The following CD80 variants were observed in gnomAD, a reference collection of about 807,000 sequenced individuals.
The protein encoded by CD80 is T-lymphocyte activation antigen CD80.
A neutral mutation model predicts 27.1 loss-of-function variants in CD80; 13 were observed. That is an observed-to-expected ratio of 0.48 (90% CI 0.31 to 0.76). The LOEUF (loss-of-function observed/expected upper bound fraction) is 0.76, where lower values mean the gene tolerates loss of function less well. CD80 is among the 30% of genes least tolerant of loss of function. The pLI, the probability that CD80 is intolerant of heterozygous loss-of-function variation, is 0.04. For synonymous variants in CD80, 125 were observed against 125.5 expected (o/e 1.00, Z 0.03); for missense variants, 277 against 347.9 (o/e 0.80, Z 1.62).
chr3:119,533,324 C>A (rs190882408), intron 4 of CD80, among the ~76,000 whole-genome samples: 16 of 152,136 alleles, frequency 1.1e-4, no homozygotes, highest in African/African-American at 3.9e-4. Context: ...GATGTATCTC[C>A]TTCCAGTTTA....
chr3:119,547,938 C>T (rs1183067714), intron 2 of CD80, among the ~76,000 whole-genome samples: 5 of 152,056 alleles, frequency 3.3e-5, no homozygotes, highest in Admixed American at 3.3e-4. Context: ...GAATCTTCCC[C>T]TTCCCTGAAT....
intron 4 of CD80, among the ~76,000 whole-genome samples, chr3:119,531,085 G>A (rs980987581): frequency 2.6e-5 from 4 of 152,262 alleles, no homozygotes; most frequent in African/African-American, 9.6e-5. Flanking sequence ...GCATGAACAA[G>A]AGCCCCTGCT....
Position 119,527,759 on chromosome 3 carries a change from C to T in CD80, c.*12G>A, listed in dbSNP as rs1440885255. The T allele has an allele frequency of 4.3e-6, 7 of 1,611,014 alleles. No individual in the cohort carries two copies. Among genetic ancestry groups the T allele is most frequent in the Admixed American group, 1.7e-5 (1 of 60,014 alleles). On this transcript the variant is annotated 3_prime_UTR_variant, in exon 6 of 7. Transcript: ENST00000264246. ...TTCAGATCTTTTCAGCCCCTTGCTTCTGCGGACACTGTTATACAGGGCGTA... is the reference window on the plus strand; with the variant it reads ...TTCAGATCTTTTCAGCCCCTTGCTTTTGCGGACACTGTTATACAGGGCGTA...
intron 2 of CD80, among the ~76,000 whole-genome samples, chr3:119,555,504 T>C (rs2082259319): frequency 6.6e-6 from 1 of 152,246 alleles, no homozygotes; most frequent in Non-Finnish European, 1.5e-5. Flanking sequence ...CCCTTCCAGC[T>C]TCCTGAATAA....
intron 4 of CD80, among the ~76,000 whole-genome samples, chr3:119,531,649 TTTTA>T (rs145319833): frequency 3.9e-4 from 58 of 149,184 alleles, no homozygotes; most frequent in South Asian, 8.7e-4. Flanking sequence ...CAGTGGTAAG[TTTTA>T]TTTATTTATT....
intron 2 of CD80, among the ~76,000 whole-genome samples, chr3:119,552,667 T>C (rs565684408): frequency 3.3e-5 from 5 of 151,748 alleles, no homozygotes; most frequent in African/African-American, 9.7e-5. Context: ...AAAAACCCCA[T>C]CGCTACAAAA....
At chr3:119,544,910 A>G in intron 2 of CD80, 43 bp from the exon 3 acceptor site, 3 of 1,523,316 alleles carry the variant, frequency 2.0e-6, no homozygotes, top group Non-Finnish European at 2.7e-6. Flanking sequence ...TTTATTAAAT[A>G]CAGATTCCTG....
At chr3:119,555,520 G>A (rs150168200) in intron 2 of CD80, among the ~76,000 whole-genome samples, 8 of 152,230 alleles carry the variant, frequency 5.3e-5, no homozygotes, top group African/African-American at 1.7e-4. Context: ...AATAACATGC[G>A]GATTCATGAT....
At chr3:119,551,588 G>A (rs1469793455) in intron 2 of CD80, among the ~76,000 whole-genome samples, 1 of 152,118 alleles carries the variant, frequency 6.6e-6, no homozygotes, top group Admixed American at 6.5e-5. Context: ...CCTTGACCTT[G>A]GACTTCCCAG....
chr3:119,539,599 A>G (rs938022975), intron 3 of CD80, among the ~76,000 whole-genome samples: 5 of 152,162 alleles, frequency 3.3e-5, no homozygotes, highest in Admixed American at 1.3e-4. Context: ...TCATTTATAT[A>G]TTTGATCCCC....
At chr3:119,543,830 T>C (rs977304791) in intron 3 of CD80, among the ~76,000 whole-genome samples, 10 of 151,850 alleles carry the variant, frequency 6.6e-5, no homozygotes, top group African/African-American at 2.2e-4. Flanking sequence ...AATAGTAAGA[T>C]AGCCATAGTA....
intron 4 of CD80, among the ~76,000 whole-genome samples, chr3:119,536,237 C>T (rs1038931183): frequency 4.0e-5 from 6 of 151,380 alleles, no homozygotes; most frequent in East Asian, 3.9e-4. Context: ...GGCAACAGGG[C>T]GAGACACTGT....
rs1387797839 is a variant in CD80, at chr3:119,525,900, TA to T, written c.*39-152del. 1.5e-3 allele frequency among the ~76,000 whole-genome samples: 229 copies of T among 148,268 alleles called. 1 individual carries two copies. Among genetic ancestry groups the T allele is most frequent in the African/African-American group, 5.2e-3 (213 of 40,936 alleles). ...TAATTTAATTATATATGTATATATA[TA>T]TATTTTAAATATAAGATCTTAATTT... On this transcript the variant is annotated intron_variant, in intron 6 of 6. Coordinates refer to ENST00000264246, the MANE Select transcript of CD80 (RefSeq NM_005191.4).
chr3:119,530,127 G>A (rs2082101949), intron 4 of CD80, among the ~76,000 whole-genome samples, 190 bp from the exon 5 acceptor site: 1 of 152,134 alleles, frequency 6.6e-6, no homozygotes, highest in Non-Finnish European at 1.5e-5. Flanking sequence ...ATAGTCAGAT[G>A]TCACATATTA....
At chr3:119,538,392 G>A (rs7630595) in intron 3 of CD80, among the ~76,000 whole-genome samples, 13,371 of 151,958 alleles carry the variant, frequency 0.088, 770 homozygotes, top group Non-Finnish European at 0.12. Context: ...TATAGCGAAC[G>A]CCTGAAAACC....
intron 4 of CD80, among the ~76,000 whole-genome samples, chr3:119,536,311 CTTTATTTTTTAAA>C (rs1004531259): frequency 2.0e-5 from 3 of 151,716 alleles, no homozygotes; most frequent in African/African-American, 4.8e-5. Context: ...TGCACAGTGA[CTTTATTTTTTAAA>C]TTTATTTTTT....
At chr3:119,545,926 C>T (rs1248905776) in intron 2 of CD80, among the ~76,000 whole-genome samples, 1 of 152,094 alleles carries the variant, frequency 6.6e-6, no homozygotes, top group Non-Finnish European at 1.5e-5. Context: ...TCTGAGGAAC[C>T]TCAATAGTGT....
At chr3:119,555,835 A>G (rs1044853318) in intron 2 of CD80, among the ~76,000 whole-genome samples, 1 of 152,250 alleles carries the variant, frequency 6.6e-6, no homozygotes, top group African/African-American at 2.4e-5. Context: ...TGTTGAATTA[A>G]TAAATGATTA....
At chr3:119,555,196 T>C (rs1460133012) in intron 2 of CD80, among the ~76,000 whole-genome samples, 1 of 152,212 alleles carries the variant, frequency 6.6e-6, no homozygotes, top group Non-Finnish European at 1.5e-5. Flanking sequence ...CTTCCGCCAC[T>C]GTCTACATCC....
Sources: allele counts gnomAD v4.1 joint callset (sites outside exome capture counted in the v4.1 genomes callset), GRCh38; gene constraint gnomAD v4.1.1; transcripts MANE v1.5; gene names NCBI Gene and HGNC (gene_info 2026-07-23, HGNC 2026-07-21).